CDYL: variants seen among roughly 807,000 people sequenced by gnomAD.
CDYL encodes chromodomain Y like.
A neutral mutation model predicts 47.3 loss-of-function variants in CDYL; 8 were observed. That is an observed-to-expected ratio of 0.17 (90% CI 0.10 to 0.31). The LOEUF (loss-of-function observed/expected upper bound fraction) is 0.31. Among genes scored for constraint, CDYL ranks in the 10% least tolerant of loss-of-function variants. CDYL has a pLI of 1.00. For synonymous variants in CDYL, 266 were observed against 265.0 expected (o/e 1.00, Z -0.04); for missense variants, 471 against 701.4 (o/e 0.67, Z 3.71).
chr6:4,884,570 A>G (rs765023369), intron 1 of CDYL, among the ~76,000 whole-genome samples: 5 of 152,178 alleles, frequency 3.3e-5, no homozygotes, highest in Admixed American at 1.3e-4. Context: ...TCTCTGGAAA[A>G]GAGAGTGAGC....
intron 1 of CDYL, among the ~76,000 whole-genome samples, chr6:4,842,570 G>A (rs186496062): frequency 5.3e-5 from 8 of 151,982 alleles, no homozygotes; most frequent in Non-Finnish European, 8.8e-5. Flanking sequence ...TGTTTTTTCT[G>A]ATATAAGAAT....
chr6:4,755,040 TTG>T lies in CDYL; in HGVS notation c.186+20198_186+20199del, dbSNP rs951676505. Among the ~76,000 whole-genome samples, 72 of 111,516 alleles carry T rather than the reference TTG, an allele frequency of 6.5e-4. 1 individual carries two copies. The South Asian group carries it at 0.016, about 25-fold the overall frequency. The allele number at this position is 111,516 out of a possible 152,430, so 73.2% of individuals were successfully genotyped here. On this transcript the variant is annotated intron_variant, in intron 3 of 8. Coordinates refer to the CDYL transcript ENST00000328908. ...TTTGTCCTGTTTGTTGTTGTTGTTGTTGTTTTTTGTTTTTTGTTTTGTTTTGT... is the reference window on the plus strand; with the variant it reads ...TTTGTCCTGTTTGTTGTTGTTGTTGTTTTTTTGTTTTTTGTTTTGTTTTGT...
intron 2 of CDYL, among the ~76,000 whole-genome samples, chr6:4,929,725 C>T (rs138706402): frequency 1.3e-5 from 2 of 152,272 alleles, no homozygotes; most frequent in African/African-American, 4.8e-5. Context: ...TTCATTTCTG[C>T]ATTATGTTCA....
At position 4,849,366 on chromosome 6, in the gene CDYL, A is replaced by G. The variant is rs1475276919; in HGVS notation, c.25-42347A>G. ...ACTTTTGGCAAAATGAGTCTTTATGAAAACATACCTTAATGATTATCTGAC... is the reference window on the plus strand; with the variant it reads ...ACTTTTGGCAAAATGAGTCTTTATGGAAACATACCTTAATGATTATCTGAC... On this transcript the variant is annotated intron_variant, in intron 1 of 6. Transcript: ENST00000397588. Among the ~76,000 whole-genome samples the G allele has an allele frequency of 2.6e-5, 4 of 152,232 alleles. No individual in the cohort carries two copies. In the East Asian group the frequency reaches 7.7e-4, roughly 29 times the overall value.
At chr6:4,915,969 T>C (rs970472317) in intron 2 of CDYL, among the ~76,000 whole-genome samples, 1 of 152,232 alleles carries the variant, frequency 6.6e-6, no homozygotes, top group Non-Finnish European at 1.5e-5. Flanking sequence ...TGCAACCAAT[T>C]GCCAGTTAGG....
Position 4,836,539 on chromosome 6 carries a change from C to T in CDYL, c.25-55174C>T, listed in dbSNP as rs982491505. ...GGCTCTCACCAGCCTCTCCCCTCTC[C>T]TGTTTTTGCAGTCAGTACTTTGTCC... is the stretch of plus-strand genomic sequence containing the variant. On this transcript the variant is annotated intron_variant, in intron 1 of 6. Transcript: ENST00000397588. Among the ~76,000 whole-genome samples, 7 of 152,326 alleles carry T rather than the reference C, an allele frequency of 4.6e-5. No homozygotes were observed. The East Asian group carries it at 9.7e-4, about 21-fold the overall frequency.
chr6:4,817,427 A>G (rs888571283), intron 1 of CDYL, among the ~76,000 whole-genome samples: 1 of 150,678 alleles, frequency 6.6e-6, no homozygotes, highest in African/African-American at 2.5e-5. Context: ...ACTCACTCCC[A>G]CCGGCAGTAC....
chr6:4,857,134 A>G (rs543429188), intron 1 of CDYL, among the ~76,000 whole-genome samples: 229 of 152,296 alleles, frequency 1.5e-3, no homozygotes, highest in African/African-American at 5.2e-3. Context: ...GTAAAAATTG[A>G]GTTTTTTAAT....
intron 1 of CDYL, among the ~76,000 whole-genome samples, chr6:4,712,558 C>T (rs558863250): frequency 9.7e-4 from 148 of 152,330 alleles, no homozygotes; most frequent in African/African-American, 3.4e-3. Context: ...AGCCGAAGGA[C>T]ACTTGTGACA....
Position 4,943,637 on chromosome 6 carries a change from CTT to C in CDYL, c.1215_1216del (p.Cys406ArgfsTer6). ...TGGTCTAGGAGCATCTATATTGCCTCTTTGCGATGTGGTTTGGGCTAATGAAA... is the reference window on the plus strand; with the variant it reads ...TGGTCTAGGAGCATCTATATTGCCTCTGCGATGTGGTTTGGGCTAATGAAA... The part of the protein sequence containing the change: ...AIGLGASILP[L>X]CDVVWANEKA... On this transcript the variant is annotated frameshift_variant, in exon 5 of 7. Transcript: ENST00000397588. LOFTEE classifies it high-confidence loss of function. The C allele has an allele frequency of 6.2e-7, 1 of 1,614,040 alleles. No individual in the cohort carries two copies. The highest frequency in any genetic ancestry group is 8.5e-7 in the Non-Finnish European group (1 of 1,179,994).
Position 4,785,041 on chromosome 6 carries a change from C to T in CDYL, c.24+8234C>T, listed in dbSNP as rs565099874. Among the ~76,000 whole-genome samples the T allele has an allele frequency of 1.2e-4, 19 of 152,286 alleles. No individual in the cohort carries two copies. In the South Asian group the frequency reaches 2.7e-3, roughly 22 times the overall value. On this transcript the variant is annotated intron_variant, in intron 1 of 6. Coordinates refer to ENST00000397588, the MANE Select transcript of CDYL (RefSeq NM_004824.4). ...GTTTCCTTTATAAATTACCCGGTCT[C>T]GGGTATGTCTTTATTAGCAATGTGA...
rs148286415 is a variant in CDYL, at chr6:4,802,002, G to A, written c.24+25195G>A. ...AGTGTCACCTCTATATTCTAGTGCT[G>A]TCAGAGTGCTTTAAATTTCTAGCTG... On this transcript the variant is annotated intron_variant, in intron 1 of 6. Coordinates refer to ENST00000397588, the MANE Select transcript of CDYL (RefSeq NM_004824.4). Among the ~76,000 whole-genome samples the A allele has an allele frequency of 4.1e-3, 621 of 152,272 alleles. 1 individual carries two copies. The highest frequency in any genetic ancestry group is 0.014 in the African/African-American group (580 of 41,554).
chr6:4,828,936 C>T (rs915832042), intron 1 of CDYL, among the ~76,000 whole-genome samples: 2 of 152,150 alleles, frequency 1.3e-5, no homozygotes, highest in Admixed American at 1.3e-4. Context: ...TACGTTTCAG[C>T]TCCAGAATGT....
chr6:4,734,182 G>A (rs181309356), intron 2 of CDYL, among the ~76,000 whole-genome samples: 5 of 152,254 alleles, frequency 3.3e-5, no homozygotes, highest in Admixed American at 2.6e-4. Flanking sequence ...GGAAGGGAGG[G>A]GAAAGGACTA....
At chr6:4,943,787 A>T in intron 5 of CDYL, 31 bp downstream of exon 5, 1 of 1,410,860 alleles carries the variant, frequency 7.1e-7, no homozygotes, top group African/African-American at 1.4e-5. Context: ...AAAAAAAAAA[A>T]GTCATTCTAG....
chr6:4,722,961 T>C (rs1443996667), intron 2 of CDYL, among the ~76,000 whole-genome samples: 1 of 152,124 alleles, frequency 6.6e-6, no homozygotes, highest in Non-Finnish European at 1.5e-5. Flanking sequence ...AAGCAATCTT[T>C]GAATGAAAAT....
chr6:4,721,686 C>A (rs1757372538), intron 2 of CDYL, among the ~76,000 whole-genome samples: 1 of 151,762 alleles, frequency 6.6e-6, no homozygotes, highest in Non-Finnish European at 1.5e-5. Context: ...TGGCCCAGAA[C>A]TTCCTAAGAA....
intron 1 of CDYL, among the ~76,000 whole-genome samples, chr6:4,792,667 C>T (rs1217758769): frequency 6.6e-6 from 1 of 151,962 alleles, no homozygotes; most frequent in East Asian, 1.9e-4. Context: ...AATTCCTATC[C>T]TCAAGTGATC....
At chr6:4,733,766 G>A (rs1349138454) in intron 2 of CDYL, among the ~76,000 whole-genome samples, 1 of 152,072 alleles carries the variant, frequency 6.6e-6, no homozygotes, top group Non-Finnish European at 1.5e-5. Flanking sequence ...TGTTCTGGAA[G>A]GTGGGCTGTT....
Sources: gnomAD v4.1 joint callset for allele counts (sites outside exome capture counted in the v4.1 genomes callset) on GRCh38, gnomAD v4.1.1 for gene constraint, MANE v1.5 for transcripts, NCBI Gene and HGNC (gene_info 2026-07-23, HGNC 2026-07-21) for gene names.